Variants in MARCHF3 observed in about 807,000 individuals in gnomAD.
The protein encoded by MARCHF3 is E3 ubiquitin-protein ligase MARCHF3.
MARCHF3 carries 13 observed loss-of-function variants against 24.2 expected under a neutral mutation model. That is an observed-to-expected ratio of 0.54 (90% CI 0.35 to 0.85). MARCHF3 has a LOEUF of 0.85. MARCHF3 is among the 40% of genes least tolerant of loss of function. The probability of loss-of-function intolerance (pLI) is 0.01; values close to 1 mark genes in which losing one functional copy is unlikely to be tolerated. For missense variants in MARCHF3, 276 were observed against 325.0 expected (o/e 0.85, Z 1.16); for synonymous variants, 144 against 137.3 (o/e 1.05, Z -0.34).
chr5:126,956,592 C>T (rs1162185903), intron 1 of MARCHF3, among the ~76,000 whole-genome samples: 3 of 143,324 alleles, frequency 2.1e-5, no homozygotes, highest in Admixed American at 1.4e-4. Flanking sequence ...TTGCAGTGAG[C>T]CAAGATTGCG....
intron 1 of MARCHF3, among the ~76,000 whole-genome samples, chr5:126,933,725 T>C (rs1055794421): frequency 6.6e-6 from 1 of 152,244 alleles, no homozygotes; most frequent in Non-Finnish European, 1.5e-5. Context: ...ATTACAGGCA[T>C]GAGCCACTGC....
chr5:126,916,027 T>C (rs1262400949), intron 2 of MARCHF3, among the ~76,000 whole-genome samples: 1 of 152,196 alleles, frequency 6.6e-6, no homozygotes, highest in Non-Finnish European at 1.5e-5. Flanking sequence ...ATAGCCCAGA[T>C]TAGAAGCTTA....
chr5:127,003,380 A>C (rs1752198051), intron 1 of MARCHF3, among the ~76,000 whole-genome samples: 1 of 151,438 alleles, frequency 6.6e-6, no homozygotes, highest in Non-Finnish European at 1.5e-5. Context: ...AGGCAGGAGA[A>C]AGGCGTGAAC....
intron 1 of MARCHF3, among the ~76,000 whole-genome samples, chr5:126,934,801 A>G (rs1424558435): frequency 6.6e-6 from 1 of 152,196 alleles, no homozygotes; most frequent in African/African-American, 2.4e-5. Flanking sequence ...AATTCAGGAC[A>G]TGTTGAAAGT....
intron 1 of MARCHF3, among the ~76,000 whole-genome samples, chr5:126,976,458 G>T (rs973229529): frequency 1.3e-5 from 2 of 152,112 alleles, no homozygotes; most frequent in Non-Finnish European, 2.9e-5. Context: ...CTCTGCTTTG[G>T]GCTACCCTGG....
chr5:126,876,469 T>G (rs1036566388), intron 4 of MARCHF3, among the ~76,000 whole-genome samples: 1 of 152,214 alleles, frequency 6.6e-6, no homozygotes, highest in African/African-American at 2.4e-5. Context: ...ACTTGACAGA[T>G]GAGGACACTG....
At chr5:126,877,290 A>C (rs192815449) in intron 4 of MARCHF3, among the ~76,000 whole-genome samples, 7 of 152,304 alleles carry the variant, frequency 4.6e-5, no homozygotes, top group Admixed American at 2.0e-4. Context: ...GGAATGGTAC[A>C]CTTTAGACAG....
chr5:126,900,703 ATT>A (rs1367764047), intron 3 of MARCHF3, among the ~76,000 whole-genome samples: 11 of 142,574 alleles, frequency 7.7e-5, no homozygotes, highest in Non-Finnish European at 9.3e-5. Context: ...TTCTTCTTTA[ATT>A]TTTTTTTTTT....
intron 1 of MARCHF3, among the ~76,000 whole-genome samples, chr5:126,956,658 A>AAAAAAC (rs1750453239): frequency 7.1e-6 from 1 of 140,618 alleles, no homozygotes; most frequent in Admixed American, 9.2e-5. Flanking sequence ...AAAAAAAAAA[A>AAAAAAC]AAAAAAAAAA....
rs532558678 is a variant in MARCHF3, at chr5:126,923,583, C to A, written c.-56-5356G>T. Among the ~76,000 whole-genome samples, 11 of 152,328 alleles carry A rather than the reference C, an allele frequency of 7.2e-5. No individual in the cohort carries two copies. In the South Asian group the frequency reaches 2.3e-3, roughly 32 times the overall value. ...AGTCTGGACCTCCATATTCAACCTT[C>A]ATACCCAATTCCAGAGATTTCAAGA... On this transcript the variant is annotated intron_variant, in intron 1 of 4. Coordinates refer to ENST00000308660, the MANE Select transcript of MARCHF3 (RefSeq NM_178450.5).
intron 3 of MARCHF3, among the ~76,000 whole-genome samples, chr5:126,912,151 C>G (rs897838163): frequency 6.6e-6 from 1 of 152,196 alleles, no homozygotes; most frequent in South Asian, 2.1e-4. Flanking sequence ...TACAACAGCC[C>G]TGGGTTCCTG....
intron 3 of MARCHF3, among the ~76,000 whole-genome samples, chr5:126,900,368 T>C (rs1338870206): frequency 6.6e-6 from 1 of 152,036 alleles, no homozygotes; most frequent in Non-Finnish European, 1.5e-5. Context: ...AGTGGGGCCT[T>C]TGGGAGGTGA....
chr5:126,936,423 T>C (rs896723260), intron 1 of MARCHF3, among the ~76,000 whole-genome samples: 18 of 152,124 alleles, frequency 1.2e-4, no homozygotes, highest in African/African-American at 3.9e-4. Context: ...AGACTACCAG[T>C]GAGGGCACTA....
At chr5:126,978,381 G>T (rs1561456252) in intron 1 of MARCHF3, among the ~76,000 whole-genome samples, 1 of 152,116 alleles carries the variant, frequency 6.6e-6, no homozygotes, top group Non-Finnish European at 1.5e-5. Context: ...GAATGTTGAA[G>T]AATAGGGAAA....
At chr5:126,915,715 A>G (rs60636815) in intron 2 of MARCHF3, among the ~76,000 whole-genome samples, 3,077 of 152,282 alleles carry the variant, frequency 0.02, 72 homozygotes, top group South Asian at 0.11. Flanking sequence ...ATGGGATGCC[A>G]AAGATACCAA....
chr5:126,903,515 C>G (rs934137441), intron 3 of MARCHF3, among the ~76,000 whole-genome samples: 1 of 151,936 alleles, frequency 6.6e-6, no homozygotes, highest in South Asian at 2.1e-4. Context: ...TATTGCTGAT[C>G]AAAGTGAATG....
intron 1 of MARCHF3, among the ~76,000 whole-genome samples, chr5:126,981,036 GT>G (rs1484935892): frequency 6.6e-6 from 1 of 152,126 alleles, no homozygotes; most frequent in African/African-American, 2.4e-5. Flanking sequence ...AATCAGCCTG[GT>G]GAGCACTGAC....
At chr5:126,964,790 G>C (rs1306354402) in intron 1 of MARCHF3, among the ~76,000 whole-genome samples, 2 of 152,158 alleles carry the variant, frequency 1.3e-5, no homozygotes, top group Non-Finnish European at 2.9e-5. Context: ...TGTGAGACCA[G>C]CTGAACCAGC....
chr5:127,015,625 C>G (rs1580490950), intron 1 of MARCHF3, among the ~76,000 whole-genome samples: 1 of 152,162 alleles, frequency 6.6e-6, no homozygotes, highest in Admixed American at 6.5e-5. Context: ...CCCTTCCAAA[C>G]TAAAATCTGA....
Sources: allele counts gnomAD v4.1 joint callset (sites outside exome capture counted in the v4.1 genomes callset), GRCh38; gene constraint gnomAD v4.1.1; transcripts MANE v1.5; gene names NCBI Gene and HGNC (gene_info 2026-07-23, HGNC 2026-07-21).